The following MRPS18A variants were observed in gnomAD, a reference collection of about 807,000 sequenced individuals.
MRPS18A encodes large ribosomal subunit protein mL66.
Under a neutral mutation model 22.7 loss-of-function variants are expected in MRPS18A, and 20 were observed. That is an observed-to-expected ratio of 0.88 (90% CI 0.62 to 1.28). MRPS18A has a LOEUF of 1.28. Among genes scored for constraint, MRPS18A ranks in the 50% most tolerant of loss-of-function variants. The pLI is 0.00. For missense variants in MRPS18A, 294 were observed against 262.6 expected (o/e 1.12, Z -0.83); for synonymous variants, 106 against 99.1 (o/e 1.07, Z -0.41).
chr6:43,680,996 G>A (rs1246994576), intron 2 of MRPS18A, 93 bp downstream of exon 2: 3 of 1,172,082 alleles, frequency 2.6e-6, no homozygotes, highest in Admixed American at 1.9e-5. Context: ...CTGGAGCTGG[G>A]CGTCCAGTTT....
chr6:43,681,772 G>A (rs1440770015), intron 1 of MRPS18A, among the ~76,000 whole-genome samples: 2 of 152,196 alleles, frequency 1.3e-5, no homozygotes, highest in Non-Finnish European at 2.9e-5. Context: ...GGTCCAAGAA[G>A]AATTTCAAGT....
intron 1 of MRPS18A, among the ~76,000 whole-genome samples, chr6:43,684,247 C>A (rs889378773): frequency 6.6e-6 from 1 of 152,016 alleles, no homozygotes; most frequent in African/African-American, 2.4e-5. Flanking sequence ...GAGTGCAGGG[C>A]ACTGCTGAAG....
chr6:43,676,285 G>A (rs1774049329), intron 3 of MRPS18A, among the ~76,000 whole-genome samples: 1 of 152,182 alleles, frequency 6.6e-6, no homozygotes, highest in South Asian at 2.1e-4. Flanking sequence ...CATGCCATAT[G>A]TTTCCACACA....
intron 2 of MRPS18A, 76 bp from the exon 3 acceptor site, chr6:43,678,701 A>G: frequency 9.6e-7 from 1 of 1,037,176 alleles, no homozygotes; most frequent in Non-Finnish European, 1.5e-6. Context: ...ACAAACCCCA[A>G]AATGATGGTA....
intron 5 of MRPS18A, chr6:43,672,138 A>G: frequency 1.7e-6 from 1 of 592,334 alleles, no homozygotes; most frequent in Non-Finnish European, 3.0e-6. Flanking sequence ...CAGGCAGCCC[A>G]GGGCCACAAG....
At chr6:43,683,876 A>T (rs1774544741) in intron 1 of MRPS18A, among the ~76,000 whole-genome samples, 1 of 152,214 alleles carries the variant, frequency 6.6e-6, no homozygotes, top group South Asian at 2.1e-4. Flanking sequence ...CTTGACTATA[A>T]TAAAGTCCAT....
At position 43,671,633 on chromosome 6, in the gene MRPS18A, A is replaced by G; in HGVS notation, c.*129T>C. On this transcript the variant is annotated 3_prime_UTR_variant, in exon 6 of 6. Transcript: ENST00000372133. ...AAGTTAGTCCCACTGTCCCCTGTCC[A>G]TGCATGTTGGAGGGACCAGGCCATC... is the stretch of plus-strand genomic sequence containing the variant. 9.3e-7 allele frequency: 1 copy of G among 1,072,828 alleles called. No individual in the cohort carries two copies. Among genetic ancestry groups the G allele is most frequent in the Non-Finnish European group, 1.4e-6 (1 of 719,014 alleles). 66.5% of individuals were successfully genotyped at this position (1,072,828 alleles called of 1,614,324 possible). A position where few individuals can be genotyped will look rare whatever the true frequency, so the allele number is the denominator to read the frequency against.
chr6:43,675,648 T>C (rs1774011476), intron 3 of MRPS18A, 31 bp from the exon 4 acceptor site: 1 of 1,574,228 alleles, frequency 6.4e-7, no homozygotes, highest in African/African-American at 1.3e-5. Flanking sequence ...GGGATGAGGG[T>C]CAGCTGGGCT....
intron 2 of MRPS18A, among the ~76,000 whole-genome samples, chr6:43,679,165 C>G (rs533063216): frequency 6.6e-6 from 1 of 152,176 alleles, no homozygotes; most frequent in Non-Finnish European, 1.5e-5. Flanking sequence ...ATTTTGCTCC[C>G]CAGGGGACAT....
chr6:43,677,914 G>A (rs745591161), intron 3 of MRPS18A, among the ~76,000 whole-genome samples: 2 of 152,122 alleles, frequency 1.3e-5, no homozygotes, highest in East Asian at 1.9e-4. Context: ...GAGCAATCAG[G>A]TATCTTTATA....
At chr6:43,675,327 G>C in intron 4 of MRPS18A, 56 bp from the exon 5 acceptor site, 1 of 1,560,594 alleles carries the variant, frequency 6.4e-7, no homozygotes, top group Non-Finnish European at 8.7e-7. Flanking sequence ...GCTCTGAGGG[G>C]GCCAGAGGGA....
chr6:43,677,132 C>T (rs759903364), intron 3 of MRPS18A, among the ~76,000 whole-genome samples: 37 of 152,136 alleles, frequency 2.4e-4, no homozygotes, highest in Non-Finnish European at 4.3e-4. Flanking sequence ...AGTGGTTGGG[C>T]GGGTGTGGGG....
Position 43,671,882 on chromosome 6 carries a change from G to A in MRPS18A, c.471C>T (p.Gly157=), listed in dbSNP as rs1466367546. Residue 157 remains glycine, a synonymous_variant, in exon 6 of 6, where the codon GGC becomes GGT. Coordinates refer to ENST00000372133, the MANE Select transcript of MRPS18A (RefSeq NM_018135.4). ...LNRYLTRWAP[G]SVKPIYKKGP... ...CTTTTTTGTAGATGGGCTTGACGGA[G>A]CCAGGAGCCCAGCGCGTCAGGTACC... 1.2e-6 allele frequency: 2 copies of A among 1,612,944 alleles called. No homozygotes were observed. The highest frequency in any genetic ancestry group is 2.2e-5 in the East Asian group (1 of 44,856).
In MRPS18A at chr6:43,675,593, T is replaced by A. The variant is rs1410360559; in HGVS notation, c.277A>T (p.Ile93Phe). 6.2e-7 allele frequency: 1 copy of A among 1,613,190 alleles called. No homozygotes were observed. Among genetic ancestry groups the A allele is most frequent in the East Asian group, 2.2e-5 (1 of 44,872 alleles). The change falls in exon 4 of 6, where the codon ATC (isoleucine) becomes TTC (phenylalanine). Residue 93 changes from isoleucine to phenylalanine, a missense_variant. Physicochemically the swap from Ile to Phe is conservative, Grantham distance 21. Coordinates refer to ENST00000372133, the MANE Select transcript of MRPS18A (RefSeq NM_018135.4). ...YDDVLLLSQF[I>F]RPHGGMLPRK... ...GGCAGCATGCCTCCATGAGGCCGGA[T>A]GAACTGGCTAAGCAGCAGAACATCC... is the stretch of plus-strand genomic sequence containing the variant.
chr6:43,680,365 G>C (rs970941502), intron 2 of MRPS18A, among the ~76,000 whole-genome samples: 3 of 152,194 alleles, frequency 2.0e-5, no homozygotes, highest in Non-Finnish European at 2.9e-5. Flanking sequence ...GATTGAGCTT[G>C]GCTGGCTACC....
chr6:43,676,531 T>A (rs560893289), intron 3 of MRPS18A, among the ~76,000 whole-genome samples: 2 of 152,266 alleles, frequency 1.3e-5, no homozygotes, highest in Non-Finnish European at 2.9e-5. Context: ...CCAGGCTGCC[T>A]GGGACAGGTC....
At chr6:43,676,425 G>T (rs1774058671) in intron 3 of MRPS18A, among the ~76,000 whole-genome samples, 1 of 152,264 alleles carries the variant, frequency 6.6e-6, no homozygotes, top group African/African-American at 2.4e-5. Flanking sequence ...AAGGAGGAAG[G>T]AACCAGGGTT....
intron 5 of MRPS18A, among the ~76,000 whole-genome samples, chr6:43,674,920 A>T (rs1773966246): frequency 6.6e-6 from 1 of 152,178 alleles, no homozygotes; most frequent in Non-Finnish European, 1.5e-5. Context: ...TAGTACTGAC[A>T]TCCCCATAGC....
intron 3 of MRPS18A, among the ~76,000 whole-genome samples, chr6:43,677,131 G>A (rs570657602): frequency 4.5e-4 from 69 of 152,308 alleles, no homozygotes; most frequent in African/African-American, 1.4e-3. Context: ...CAGTGGTTGG[G>A]CGGGTGTGGG....
Sources: allele counts gnomAD v4.1 joint callset (sites outside exome capture counted in the v4.1 genomes callset), GRCh38; gene constraint gnomAD v4.1.1; transcripts MANE v1.5; gene names NCBI Gene and HGNC (gene_info 2026-07-23, HGNC 2026-07-21).